Variants in CDK13 observed in about 807,000 individuals in gnomAD.
CDK13 encodes cyclin-dependent kinase 13.
A neutral mutation model predicts 137.6 loss-of-function variants in CDK13; 40 were observed. That is an observed-to-expected ratio of 0.29 (90% CI 0.23 to 0.38). The LOEUF is 0.38. Ranked by LOEUF, CDK13 falls within the 10% of genes least tolerant of loss-of-function variation. The pLI, the probability that CDK13 is intolerant of heterozygous loss-of-function variation, is 1.00. For missense variants in CDK13, 1,704 were observed against 1,951.8 expected (o/e 0.87, Z 2.39); for synonymous variants, 869 against 760.1 (o/e 1.14, Z -2.36).
chr7:39,980,610 G>A (rs11977756), intron 1 of CDK13, among the ~76,000 whole-genome samples: 13,455 of 152,176 alleles, frequency 0.088, 1,025 homozygotes, highest in East Asian at 0.36. Flanking sequence ...CCTCAAAGAT[G>A]TTGTGGATAG....
intron 2 of CDK13, among the ~76,000 whole-genome samples, chr7:39,993,394 G>C (rs375655124): frequency 6.6e-6 from 1 of 152,054 alleles, no homozygotes; most frequent in Non-Finnish European, 1.5e-5. Context: ...CCTATAAGCT[G>C]ACTCCTTTAT....
rs1188926859 is a variant in CDK13 at position 39,997,499 on chromosome 7, G to A, written c.1877G>A (p.Arg626Gln). ...CTGACTTCTTTCACTTTCAGCTTAC[G>A]AGGAAATATTTCAGTAAAAGCAGTT... is the stretch of plus-strand genomic sequence containing the variant. Reference protein sequence around the residue: ...LPEDKEADSLRGNISVKAVKK... With the variant: ...LPEDKEADSLQGNISVKAVKK... Residue 626 changes from arginine (R) to glutamine (Q), a missense_variant, in exon 3 of 14, where the codon CGA becomes CAA. By Grantham distance (43) the Arg-to-Gln change is conservative (BLOSUM62 1). Coordinates refer to ENST00000181839, the MANE Select transcript of CDK13 (RefSeq NM_003718.5). 6.3e-7 allele frequency: 1 copy of A among 1,590,684 alleles called. No individual in the cohort carries two copies. Among genetic ancestry groups the A allele is most frequent in the Non-Finnish European group, 8.5e-7 (1 of 1,174,178 alleles).
chr7:39,972,436 A>G (rs1452460506), intron 1 of CDK13, among the ~76,000 whole-genome samples: 1 of 152,208 alleles, frequency 6.6e-6, no homozygotes, highest in Non-Finnish European at 1.5e-5. Context: ...CAGTCACTCC[A>G]GAGAGAAACT....
intron 11 of CDK13, among the ~76,000 whole-genome samples, chr7:40,083,338 G>C (rs915452068): frequency 4.6e-5 from 7 of 151,374 alleles, no homozygotes; most frequent in Admixed American, 6.6e-5. Context: ...AAGAATTAGA[G>C]ATCACATGAT....
At chr7:40,075,273 GA>G (rs1161046376) in intron 9 of CDK13, among the ~76,000 whole-genome samples, 1 of 152,138 alleles carries the variant, frequency 6.6e-6, no homozygotes, top group Non-Finnish European at 1.5e-5. Context: ...GGGAGTAGTT[GA>G]CTGGCCACCA....
intron 9 of CDK13, among the ~76,000 whole-genome samples, chr7:40,074,396 G>A (rs1437400022): frequency 6.6e-6 from 1 of 151,944 alleles, no homozygotes; most frequent in East Asian, 1.9e-4. Context: ...GGTGGCAGGT[G>A]CTTGTAGTCC....
At chr7:39,960,887 A>C (rs938406971) in intron 1 of CDK13, among the ~76,000 whole-genome samples, 1 of 151,930 alleles carries the variant, frequency 6.6e-6, no homozygotes, top group African/African-American at 2.4e-5. Context: ...TTTATTTTTT[A>C]TTGACAAATA....
chr7:40,051,839 T>G (rs1304706657), intron 7 of CDK13, among the ~76,000 whole-genome samples: 1 of 152,194 alleles, frequency 6.6e-6, no homozygotes, highest in East Asian at 1.9e-4. Flanking sequence ...GGAAAATGAT[T>G]TCTTAAATTT....
At chr7:40,030,475 C>T (rs1785353852) in intron 5 of CDK13, among the ~76,000 whole-genome samples, 1 of 137,100 alleles carries the variant, frequency 7.3e-6, no homozygotes, top group African/African-American at 2.7e-5. Flanking sequence ...GTCTGACACC[C>T]AGGCTGGAGT....
chr7:39,976,323 TCA>T (rs764395925), intron 1 of CDK13, among the ~76,000 whole-genome samples: 1,094 of 39,548 alleles, frequency 0.028, 22 homozygotes, highest in East Asian at 0.07. Context: ...TCTCTCTCTC[TCA>T]CACACACACA....
At chr7:39,998,859 T>C (rs1251741281) in intron 3 of CDK13, 1 of 152,168 alleles carries the variant, frequency 6.6e-6, no homozygotes, top group East Asian at 1.9e-4. Context: ...AAAATCTTTT[T>C]TTTTTGATGT....
chr7:39,951,187 C>T lies in CDK13; in HGVS notation c.546C>T (p.Ala182=). 2.4e-6 allele frequency: 3 copies of T among 1,246,996 alleles called. No individual in the cohort carries two copies. The highest frequency in any genetic ancestry group is 3.2e-5 in the East Asian group (1 of 31,586). 77.2% of individuals were successfully genotyped at this position (1,246,996 alleles called of 1,614,324 possible). A position where few individuals can be genotyped will look rare whatever the true frequency, so the allele number is the denominator to read the frequency against. The change falls in exon 1 of 14, where the codon GCC becomes GCT. Residue 182 remains alanine (A), a synonymous_variant. Coordinates refer to ENST00000181839, the MANE Select transcript of CDK13 (RefSeq NM_003718.5). ...CGGGGGGCAGCGGCGGGAGTCCGGC[C>T]TCCTCCTCCGGCACCCAGCGGCGCG... is the stretch of plus-strand genomic sequence containing the variant. The part of the protein sequence containing the change: ...GGTGGSGGSP[A]SSSGTQRRGE...
intron 5 of CDK13, among the ~76,000 whole-genome samples, chr7:40,028,754 TC>T (rs1379718434): frequency 6.6e-6 from 1 of 152,080 alleles, no homozygotes; most frequent in Non-Finnish European, 1.5e-5. Context: ...TTAATATTTT[TC>T]TTTTCAAAAT....
chr7:39,989,255 A>G lies in CDK13; in HGVS notation c.1871+997A>G, dbSNP rs1377638097. Among the ~76,000 whole-genome samples the G allele has an allele frequency of 2.6e-5, 4 of 151,898 alleles. No homozygotes were observed. In the East Asian group the frequency reaches 7.7e-4, roughly 29 times the overall value. ...ACAGCTAAGAATGTTTCTTTTTTGT[A>G]TCCTAGTGTAGAAAAATTAGACTTG... is the stretch of plus-strand genomic sequence containing the variant. On this transcript the variant is annotated intron_variant, in intron 2 of 13. Transcript: ENST00000181839.
intron 11 of CDK13, among the ~76,000 whole-genome samples, chr7:40,084,216 C>T (rs950208657): frequency 2.0e-5 from 3 of 151,986 alleles, no homozygotes; most frequent in Admixed American, 1.3e-4. Flanking sequence ...CGCAGTGGCT[C>T]ACACCTGTAA....
intron 5 of CDK13, among the ~76,000 whole-genome samples, chr7:40,034,706 T>G (rs1785446791): frequency 6.6e-6 from 1 of 152,230 alleles, no homozygotes; most frequent in African/African-American, 2.4e-5. Context: ...ATATTTGTGT[T>G]TTTAATAATA....
At chr7:39,989,559 A>C (rs2116275857) in intron 2 of CDK13, among the ~76,000 whole-genome samples, 1 of 152,264 alleles carries the variant, frequency 6.6e-6, no homozygotes, top group East Asian at 1.9e-4. Context: ...AAAAATAATC[A>C]AAATGTTGTT....
chr7:39,966,370 C>T (rs938346686), intron 1 of CDK13, among the ~76,000 whole-genome samples: 14 of 152,108 alleles, frequency 9.2e-5, no homozygotes, highest in Non-Finnish European at 1.3e-4. Context: ...CATCTTCCAT[C>T]ACTGATACCC....
intron 5 of CDK13, among the ~76,000 whole-genome samples, chr7:40,013,119 G>A (rs1489176481): frequency 6.6e-6 from 1 of 152,140 alleles, no homozygotes; most frequent in Non-Finnish European, 1.5e-5. Flanking sequence ...TTACAACATA[G>A]ATATATCTTC....
Sources: allele counts gnomAD v4.1 joint callset (sites outside exome capture counted in the v4.1 genomes callset), GRCh38; gene constraint gnomAD v4.1.1; transcripts MANE v1.5; gene names NCBI Gene and HGNC (gene_info 2026-07-23, HGNC 2026-07-21).